PRELID2: variants seen among roughly 807,000 people sequenced by gnomAD.
The protein encoded by PRELID2 is PRELI domain containing 2.
A neutral mutation model predicts 28.4 loss-of-function variants in PRELID2; 25 were observed. The observed-to-expected ratio is 0.88, with a 90% CI of 0.64 to 1.23. PRELID2 has a LOEUF of 1.23. Ranked by LOEUF, PRELID2 falls within the 50% of genes most tolerant of loss-of-function variation. The pLI is 0.00. For missense variants in PRELID2, 201 were observed against 214.4 expected, an observed-to-expected ratio of 0.94 and a Z score of 0.39; for synonymous variants, 76 against 71.6, an observed-to-expected ratio of 1.06 and a Z score of -0.31.
intron 3 of PRELID2, 149 bp downstream of exon 3, chr5:145,819,795 TA>T: frequency 1.5e-6 from 1 of 649,466 alleles, no homozygotes; most frequent in Middle Eastern, 4.0e-4. Context: ...TGAGGTTGGA[TA>T]AGAAAGAGCT....
intron 1 of PRELID2, among the ~76,000 whole-genome samples, chr5:145,642,309 T>C (rs910217553): frequency 6.6e-6 from 1 of 152,358 alleles, no homozygotes; most frequent in South Asian, 2.1e-4. Context: ...TGAATAAATA[T>C]CTTCTTTAGA....
At chr5:145,366,349 A>G in the PRELID2 span, among the ~76,000 whole-genome samples, 1 of 151,890 alleles carries the variant, frequency 6.6e-6, no homozygotes, top group African/African-American at 2.4e-5. Flanking sequence ...AGGGCCGATT[A>G]TTTCCCATGG....
chr5:145,348,717 G>C, the PRELID2 span, among the ~76,000 whole-genome samples: 9 of 151,296 alleles, frequency 5.9e-5, no homozygotes, highest in African/African-American at 2.2e-4. Context: ...ATTGTGTAGA[G>C]ACATTTAGAG....
chr5:145,268,211 G>A, the PRELID2 span, among the ~76,000 whole-genome samples: 1 of 152,048 alleles, frequency 6.6e-6, no homozygotes, highest in African/African-American at 2.4e-5. Flanking sequence ...AGAAATCTTT[G>A]CCCAGTCCAA....
chr5:145,273,557 A>T, the PRELID2 span, among the ~76,000 whole-genome samples: 1 of 152,152 alleles, frequency 6.6e-6, no homozygotes, highest in Non-Finnish European at 1.5e-5. Flanking sequence ...TGACTCATAA[A>T]TCACTCAAAG....
the PRELID2 span, among the ~76,000 whole-genome samples, chr5:145,344,523 T>TA: frequency 6.6e-6 from 1 of 152,108 alleles, no homozygotes; most frequent in African/African-American, 2.4e-5. Context: ...TAAACCATGC[T>TA]TTAGTAAATA....
At chr5:145,396,237 T>C in the PRELID2 span, among the ~76,000 whole-genome samples, 1 of 152,168 alleles carries the variant, frequency 6.6e-6, no homozygotes, top group East Asian at 1.9e-4. Context: ...AATAAGCTAC[T>C]GGGACATTAT....
Position 145,756,962 on chromosome 5 carries a change from T to C in PRELID2, c.*3574A>G, listed in dbSNP as rs1050884098. Among the ~76,000 whole-genome samples, 4 of 151,942 alleles carry C rather than the reference T, an allele frequency of 2.6e-5. No homozygotes were observed. Among genetic ancestry groups the C allele is most frequent in the Admixed American group, 1.3e-4 (2 of 15,254 alleles). ...GTGTAGGGACTTTAACAAAACTAAG[T>C]AGGGCCTGAAAGAATTAAAAACATA... On this transcript the variant is annotated 3_prime_UTR_variant, in exon 7 of 7. Coordinates refer to ENST00000683046, the MANE Select transcript of PRELID2 (RefSeq NM_205846.3).
At chr5:145,581,021 T>A (rs6889689) in intron 1 of PRELID2, among the ~76,000 whole-genome samples, 29,293 of 151,872 alleles carry the variant, frequency 0.19, 5,008 homozygotes, top group African/African-American at 0.45. Context: ...GTATCTTGTC[T>A]TTCCCTTTCT....
chr5:145,532,266 C>T (rs1181191414), intron 1 of PRELID2, among the ~76,000 whole-genome samples: 1 of 152,048 alleles, frequency 6.6e-6, no homozygotes, highest in African/African-American at 2.4e-5. Context: ...AATACTTACT[C>T]ATAGGGCTTG....
At chr5:145,437,822 A>G in the PRELID2 span, among the ~76,000 whole-genome samples, 1 of 152,128 alleles carries the variant, frequency 6.6e-6, no homozygotes, top group South Asian at 2.1e-4. Context: ...GCTGCTATTA[A>G]AGAAATATGG....
At chr5:145,411,901 C>A in the PRELID2 span, among the ~76,000 whole-genome samples, 38 of 152,308 alleles carry the variant, frequency 2.5e-4, no homozygotes, top group Non-Finnish European at 4.4e-4. Flanking sequence ...GTGGAAGCCG[C>A]CAAATATGGG....
intron 1 of PRELID2, among the ~76,000 whole-genome samples, chr5:145,628,565 C>A (rs767132285): frequency 5.3e-5 from 8 of 152,128 alleles, no homozygotes; most frequent in Non-Finnish European, 1.2e-4. Context: ...CTCAGGCGAT[C>A]CACCCATCTC....
chr5:145,303,895 A>G, the PRELID2 span, among the ~76,000 whole-genome samples: 1 of 152,152 alleles, frequency 6.6e-6, no homozygotes, highest in Admixed American at 6.6e-5. Context: ...TTCATTCCCT[A>G]GCACTTATGA....
At chr5:145,573,554 G>A (rs373928086) in intron 1 of PRELID2, among the ~76,000 whole-genome samples, 3 of 152,080 alleles carry the variant, frequency 2.0e-5, no homozygotes, top group East Asian at 3.9e-4. Flanking sequence ...TTGTGTCCAT[G>A]TGTTCTCATT....
At chr5:145,316,582 C>A in the PRELID2 span, among the ~76,000 whole-genome samples, 1 of 152,300 alleles carries the variant, frequency 6.6e-6, no homozygotes, top group Admixed American at 6.5e-5. Flanking sequence ...CAGTGCTAAA[C>A]AAAAGGACTA....
At chr5:145,437,969 A>T in the PRELID2 span, among the ~76,000 whole-genome samples, 1 of 152,130 alleles carries the variant, frequency 6.6e-6, no homozygotes, top group South Asian at 2.1e-4. Context: ...CCCAAAGCAG[A>T]ACAGTCAGAC....
At chr5:145,269,031 G>A in the PRELID2 span, among the ~76,000 whole-genome samples, 325 of 152,126 alleles carry the variant, frequency 2.1e-3, 10 homozygotes, top group East Asian at 0.053. Flanking sequence ...GAAATTAAGA[G>A]CCTAAATAAA....
chr5:145,418,220 T>A, the PRELID2 span, among the ~76,000 whole-genome samples: 2 of 152,052 alleles, frequency 1.3e-5, no homozygotes, highest in East Asian at 3.9e-4. Context: ...TATAAAGCAC[T>A]TTTCAAAGAA....
Sources: allele counts gnomAD v4.1 joint callset (sites outside exome capture counted in the v4.1 genomes callset), GRCh38; gene constraint gnomAD v4.1.1; transcripts MANE v1.5; gene names NCBI Gene and HGNC (gene_info 2026-07-23, HGNC 2026-07-21).